The following GLCE variants were observed in gnomAD, a reference collection of about 807,000 sequenced individuals.
GLCE encodes glucuronic acid epimerase, also known as D-glucuronyl C5-epimerase.
A neutral mutation model predicts 47.9 loss-of-function variants in GLCE; 19 were observed. The ratio of observed to expected loss-of-function variants is 0.40; its 90% CI spans 0.28 to 0.58. The LOEUF is 0.58. Among genes scored for constraint, GLCE ranks in the 20% least tolerant of loss-of-function variants. The pLI, the probability that GLCE is intolerant of heterozygous loss-of-function variation, is 0.48. For synonymous variants in GLCE, 245 were observed against 263.4 expected (o/e 0.93, Z 0.68); for missense variants, 556 against 743.3 (o/e 0.75, Z 2.93).
At chr15:69,261,473 A>G in intron 4 of GLCE, 144 bp downstream of exon 4, 3 of 768,798 alleles carry the variant, frequency 3.9e-6, no homozygotes. Context: ...GTGTCACCCC[A>G]ATGAAATCTC....
At chr15:69,239,639 A>G (rs892371742) in intron 2 of GLCE, among the ~76,000 whole-genome samples, 5 of 152,206 alleles carry the variant, frequency 3.3e-5, no homozygotes, top group African/African-American at 1.2e-4. Context: ...AAGTGTTCAC[A>G]TACCTGAAAT....
At chr15:69,244,130 G>A (rs1384281638) in intron 2 of GLCE, among the ~76,000 whole-genome samples, 1 of 152,138 alleles carries the variant, frequency 6.6e-6, no homozygotes, top group Admixed American at 6.5e-5. Flanking sequence ...CAGAAATAAG[G>A]TATTATAATG....
Position 69,268,573 on chromosome 15 carries a change from A to G in GLCE, c.1183A>G (p.Thr395Ala). The G allele has an allele frequency of 6.2e-7, 1 of 1,614,200 alleles. No homozygotes were observed. Among genetic ancestry groups the G allele is most frequent in the Non-Finnish European group, 8.5e-7 (1 of 1,180,022 alleles). ...AKGKGFLDNI[T>A]ISTTAHMAAF... ...AGGTAAGGGATTCCTCGACAACATT[A>G]CCATCTCTACCACAGCCCACATGGC... is the stretch of plus-strand genomic sequence containing the variant. Residue 395 changes from threonine (T) to alanine (A), a missense_variant, in exon 5 of 5, where the codon ACC becomes GCC. Transcript: ENST00000261858.
At chr15:69,222,252 G>C (rs761517330) in intron 2 of GLCE, among the ~76,000 whole-genome samples, 6 of 152,218 alleles carry the variant, frequency 3.9e-5, no homozygotes, top group Non-Finnish European at 8.8e-5. Flanking sequence ...ATGGCAGCAC[G>C]GGTCCATGGG....
intron 3 of GLCE, among the ~76,000 whole-genome samples, chr15:69,256,760 T>G (rs2140440768): frequency 6.6e-6 from 1 of 152,254 alleles, no homozygotes; most frequent in Middle Eastern, 3.4e-3. Flanking sequence ...AATGTACCAG[T>G]GTGGTCTGGT....
chr15:69,182,029 C>A (rs1217515818), intron 1 of GLCE, among the ~76,000 whole-genome samples: 1 of 151,494 alleles, frequency 6.6e-6, no homozygotes, highest in Admixed American at 6.6e-5. Context: ...TGTAGAAGTT[C>A]TTTTATTGCT....
chr15:69,221,724 G>A (rs1402191756), intron 2 of GLCE, among the ~76,000 whole-genome samples: 6 of 151,918 alleles, frequency 3.9e-5, no homozygotes, highest in Non-Finnish European at 8.8e-5. Flanking sequence ...TTAGCTGGAC[G>A]TGGTGGTGGG....
chr15:69,199,999 A>G (rs902150586), intron 1 of GLCE, among the ~76,000 whole-genome samples: 1 of 152,134 alleles, frequency 6.6e-6, no homozygotes, highest in African/African-American at 2.4e-5. Flanking sequence ...TAGTAAGACA[A>G]TTTTTTACAT....
At chr15:69,222,241 T>C (rs2052387284) in intron 2 of GLCE, among the ~76,000 whole-genome samples, 1 of 152,116 alleles carries the variant, frequency 6.6e-6, no homozygotes, top group Non-Finnish European at 1.5e-5. Flanking sequence ...TTCCATGAGG[T>C]ATGGCAGCAC....
At chr15:69,267,810 T>G (rs550770438) in intron 4 of GLCE, among the ~76,000 whole-genome samples, 29 of 151,904 alleles carry the variant, frequency 1.9e-4, no homozygotes, top group African/African-American at 6.5e-4. Context: ...CTAGCCTCTT[T>G]CTTGCAATAT....
intron 1 of GLCE, among the ~76,000 whole-genome samples, chr15:69,207,090 G>T (rs1159365225): frequency 2.0e-5 from 3 of 151,896 alleles, no homozygotes; most frequent in Non-Finnish European, 4.4e-5. Flanking sequence ...TTACTTGTTT[G>T]TTCCATCTCA....
chr15:69,235,090 A>AATCTTTTTTTTT (rs1163529945), intron 2 of GLCE, among the ~76,000 whole-genome samples: 1 of 82,488 alleles, frequency 1.2e-5, no homozygotes. Flanking sequence ...GATGAAGATT[A>AATCTTTTTTTTT]TTCTTTTTTT....
chr15:69,236,279 G>A (rs1394341186), intron 2 of GLCE, among the ~76,000 whole-genome samples: 4 of 150,436 alleles, frequency 2.7e-5, no homozygotes, highest in African/African-American at 7.5e-5. Flanking sequence ...GATTATTATG[G>A]CATTCTCTGG....
intron 2 of GLCE, among the ~76,000 whole-genome samples, chr15:69,235,274 A>C (rs2052582051): frequency 6.6e-6 from 1 of 150,944 alleles, no homozygotes; most frequent in African/African-American, 2.4e-5. Context: ...CACCCTCCTA[A>C]TTTTTGTATT....
chr15:69,247,847 A>G (rs985824073), intron 2 of GLCE, among the ~76,000 whole-genome samples: 3 of 152,202 alleles, frequency 2.0e-5, no homozygotes, highest in Admixed American at 1.3e-4. Flanking sequence ...TTTATCAATA[A>G]AGGTTGCCAT....
chr15:69,225,649 C>T (rs1452512715), intron 2 of GLCE, among the ~76,000 whole-genome samples: 2 of 152,140 alleles, frequency 1.3e-5, no homozygotes, highest in African/African-American at 4.8e-5. Context: ...TGAACTTTGA[C>T]TTGCATACTA....
intron 2 of GLCE, among the ~76,000 whole-genome samples, chr15:69,218,556 T>G (rs940606490): frequency 2.2e-4 from 33 of 152,282 alleles, no homozygotes; most frequent in African/African-American, 7.5e-4. Flanking sequence ...TCTCTAAACT[T>G]AAGCCTGTGG....
At chr15:69,245,529 T>C (rs2140424513) in intron 2 of GLCE, among the ~76,000 whole-genome samples, 1 of 152,238 alleles carries the variant, frequency 6.6e-6, no homozygotes, top group East Asian at 1.9e-4. Flanking sequence ...TTTCTTAAAA[T>C]AAGACAACGA....
At chr15:69,233,552 G>C (rs765605597) in intron 2 of GLCE, among the ~76,000 whole-genome samples, 1 of 152,180 alleles carries the variant, frequency 6.6e-6, no homozygotes, top group Non-Finnish European at 1.5e-5. Flanking sequence ...TTCAAATTCA[G>C]TATATGTTAA....
Sources: allele counts gnomAD v4.1 joint callset (sites outside exome capture counted in the v4.1 genomes callset), GRCh38; gene constraint gnomAD v4.1.1; transcripts MANE v1.5; gene names NCBI Gene and HGNC (gene_info 2026-07-23, HGNC 2026-07-21).